NECTIN3: variants seen among roughly 807,000 people sequenced by gnomAD.
NECTIN3 encodes nectin cell adhesion molecule 3.
A neutral mutation model predicts 49.4 loss-of-function variants in NECTIN3; 8 were observed. That is an observed-to-expected ratio of 0.16 (90% CI 0.10 to 0.29). The LOEUF is 0.29. NECTIN3 is among the 10% of genes least tolerant of loss of function. The probability of loss-of-function intolerance (pLI) is 1.00; values close to 1 mark genes in which losing one functional copy is unlikely to be tolerated. For synonymous variants in NECTIN3, 277 were observed against 241.1 expected (o/e 1.15, Z -1.38); for missense variants, 581 against 654.6 (o/e 0.89, Z 1.23).
intron 1 of NECTIN3, among the ~76,000 whole-genome samples, chr3:111,098,804 A>G (rs2032738015): frequency 6.6e-6 from 1 of 151,726 alleles, no homozygotes. Flanking sequence ...AACCTGCAAT[A>G]TTCTGTTTCT....
At chr3:111,191,851 C>T (rs947615818), upstream of NECTIN3, among the ~76,000 whole-genome samples, 3 of 152,022 alleles carry the variant, frequency 2.0e-5, no homozygotes, top group East Asian at 1.9e-4. Flanking sequence ...TTTTTGAAAC[C>T]GAATCTTGGT....
chr3:111,112,407 G>T, intron 2 of NECTIN3, 36 bp downstream of exon 2: 1 of 1,175,514 alleles, frequency 8.5e-7, no homozygotes, highest in Non-Finnish European at 1.2e-6. Flanking sequence ...TGGTGATAGT[G>T]GTGAAGATTA....
chr3:111,084,470 G>A (rs1273832452), intron 1 of NECTIN3, among the ~76,000 whole-genome samples: 1 of 152,198 alleles, frequency 6.6e-6, no homozygotes, highest in Non-Finnish European at 1.5e-5. Context: ...TAGGTACTGT[G>A]AAAGACTAGC....
chr3:111,096,320 G>A (rs1338581498), intron 1 of NECTIN3, among the ~76,000 whole-genome samples: 1 of 152,146 alleles, frequency 6.6e-6, no homozygotes, highest in Non-Finnish European at 1.5e-5. Context: ...AAGCAGCAAA[G>A]CATTCAAGAG....
At chr3:111,150,023 T>C (rs2034967824) in intron 7 of NECTIN3, among the ~76,000 whole-genome samples, 1 of 151,996 alleles carries the variant, frequency 6.6e-6, no homozygotes, top group African/African-American at 2.4e-5. Flanking sequence ...GGAAAACATA[T>C]ATAGTATTTT....
At position 111,123,204 on chromosome 3, in the gene NECTIN3, A is replaced by T. The variant is rs544120601; in HGVS notation, c.917+966A>T. 1.5e-3 allele frequency among the ~76,000 whole-genome samples: 223 copies of T among 152,142 alleles called. 1 individual carries two copies. Among genetic ancestry groups the T allele is most frequent in the African/African-American group, 5.3e-3 (219 of 41,558 alleles). ...AATAAAAATATGTTATTTTCATAGCACGCTTTTCTTATTTTATGAGTGTAG... is the reference window on the plus strand; with the variant it reads ...AATAAAAATATGTTATTTTCATAGCTCGCTTTTCTTATTTTATGAGTGTAG... On this transcript the variant is annotated intron_variant, in intron 4 of 5. Coordinates refer to ENST00000485303, the MANE Select transcript of NECTIN3 (RefSeq NM_015480.3).
At chr3:111,140,505 G>T (rs185360887), downstream of NECTIN3, among the ~76,000 whole-genome samples, 338 of 151,436 alleles carry the variant, frequency 2.2e-3, 2 homozygotes, top group African/African-American at 6.2e-3. Flanking sequence ...CTTATGTGGG[G>T]TTTTTTTGCC....
rs2034550189 is a variant in NECTIN3, at chr3:111,135,622, TTAG to T, written c.*1411_*1413del. On this transcript the variant is annotated 3_prime_UTR_variant, in exon 6 of 6. Transcript: ENST00000485303. ...TTTTGCCAGTGAAATGAAGTGGAAG[TTAG>T]TAGGAGAATCATAAATTAAATATAT... 5 of 963,246 alleles carry T rather than the reference TTAG, an allele frequency of 5.2e-6. No homozygotes were observed. Among genetic ancestry groups the T allele is most frequent in the East Asian group, 1.2e-4 (1 of 8,678 alleles). The allele number at this position is 963,246 out of a possible 1,614,324, so 59.7% of individuals were successfully genotyped here.
intron 7 of NECTIN3, among the ~76,000 whole-genome samples, chr3:111,184,661 A>AT (rs1000569951): frequency 6.6e-6 from 1 of 151,968 alleles, no homozygotes; most frequent in African/African-American, 2.4e-5. Context: ...CTATATACTT[A>AT]TTTTTTCCCA....
intron 1 of NECTIN3, among the ~76,000 whole-genome samples, chr3:111,107,043 G>A (rs1442245019): frequency 6.6e-6 from 1 of 152,116 alleles, no homozygotes; most frequent in Non-Finnish European, 1.5e-5. Context: ...AGGAAAGAAA[G>A]GGAATGGTTG....
At chr3:111,091,195 T>A (rs909852216) in intron 1 of NECTIN3, among the ~76,000 whole-genome samples, 2 of 152,200 alleles carry the variant, frequency 1.3e-5, no homozygotes, top group African/African-American at 4.8e-5. Flanking sequence ...AAACATGTAC[T>A]ATTCTATATA....
At chr3:111,157,252 T>C (rs2035116361) in intron 7 of NECTIN3, among the ~76,000 whole-genome samples, 1 of 152,162 alleles carries the variant, frequency 6.6e-6, no homozygotes, top group Admixed American at 6.5e-5. Flanking sequence ...TATTTACTAA[T>C]GTGTCACAAC....
At chr3:111,121,187 T>C (rs147146282) in intron 3 of NECTIN3, among the ~76,000 whole-genome samples, 1 of 148,694 alleles carries the variant, frequency 6.7e-6, no homozygotes, top group Non-Finnish European at 1.5e-5. Context: ...TTTTTTTTTG[T>C]ATTTTTTAGT....
In NECTIN3 at chr3:111,136,670, A is replaced by G. The variant is rs1322786431; in HGVS notation, c.*2455A>G. ...GACAGGTATATATGAAAATTCTACT[A>G]TCGTGAAAAAAAATGAATATTTGTA... On this transcript the variant is annotated 3_prime_UTR_variant, in exon 6 of 6. Coordinates refer to ENST00000485303, the MANE Select transcript of NECTIN3 (RefSeq NM_015480.3). 4.4e-6 allele frequency: 4 copies of G among 909,448 alleles called. No homozygotes were observed. In the African/African-American group the frequency reaches 7.2e-5, roughly 16 times the overall value. The allele number at this position is 909,448 out of a possible 1,614,324, so 56.3% of individuals were successfully genotyped here. A position where few individuals can be genotyped will look rare whatever the true frequency, so the allele number is the denominator to read the frequency against.
chr3:111,112,637 A>G (rs891909710), intron 2 of NECTIN3, among the ~76,000 whole-genome samples: 3 of 152,118 alleles, frequency 2.0e-5, no homozygotes, highest in Non-Finnish European at 2.9e-5. Flanking sequence ...TTTTAATTAT[A>G]TACTAAGTTC....
At position 111,126,311 on chromosome 3, in the gene NECTIN3, G is replaced by T; in HGVS notation, c.1045G>T (p.Asp349Tyr). The T allele has an allele frequency of 6.2e-7, 1 of 1,605,420 alleles. No individual in the cohort carries two copies. The highest frequency in any genetic ancestry group is 1.1e-5 in the South Asian group (1 of 88,850). The change falls in exon 5 of 6, where the codon GAC (aspartate) becomes TAC (tyrosine). Residue 349 changes from aspartate (D) to tyrosine (Y), a missense_variant. Transcript: ENST00000485303. ...GACCAATTCCCTTGGTCAAAGAAGTGACCAAAAAGTCATCTACATTTCAGG... is the reference window on the plus strand; with the variant it reads ...GACCAATTCCCTTGGTCAAAGAAGTTACCAAAAAGTCATCTACATTTCAGG... ...KVTNSLGQRS[D>Y]QKVIYISDPP... is the part of the protein sequence containing the mutation.
chr3:111,185,365 C>T (rs1003184314), intron 7 of NECTIN3, among the ~76,000 whole-genome samples: 29 of 152,044 alleles, frequency 1.9e-4, no homozygotes, highest in African/African-American at 6.5e-4. Flanking sequence ...ATGTATTTTT[C>T]CATGATCTGG....
intron 5 of NECTIN3, among the ~76,000 whole-genome samples, chr3:111,132,972 A>T (rs1365200826): frequency 6.6e-6 from 1 of 151,782 alleles, no homozygotes; most frequent in African/African-American, 2.4e-5. Context: ...TTATTTTTTT[A>T]AATTACTAAA....
chr3:111,134,650 T>C lies in NECTIN3; in HGVS notation c.*435T>C. ...TTTATCACCACTCAATGACACTGCA[T>C]CAAAATTGACTATAAAACTAATTCA... On this transcript the variant is annotated 3_prime_UTR_variant, in exon 6 of 6. Transcript: ENST00000485303. The C allele has an allele frequency of 1.1e-6, 1 of 872,306 alleles. No homozygotes were observed. Among genetic ancestry groups the C allele is most frequent in the Non-Finnish European group, 1.4e-6 (1 of 727,128 alleles). 54.0% of individuals were successfully genotyped at this position (872,306 alleles called of 1,614,324 possible).
Sources: gnomAD v4.1 joint callset for allele counts (sites outside exome capture counted in the v4.1 genomes callset) on GRCh38, gnomAD v4.1.1 for gene constraint, MANE v1.5 for transcripts, NCBI Gene and HGNC (gene_info 2026-07-23, HGNC 2026-07-21) for gene names.